PTPRD: variants seen among roughly 807,000 people sequenced by gnomAD.
The protein encoded by PTPRD is receptor-type tyrosine-protein phosphatase delta.
PTPRD carries 34 observed loss-of-function variants against 214.5 expected under a neutral mutation model. That is an observed-to-expected ratio of 0.16 (90% CI 0.12 to 0.21). The LOEUF is 0.21. Ranked by LOEUF, PTPRD falls within the 10% of genes least tolerant of loss-of-function variation. The pLI is 1.00. For synonymous variants in PTPRD, 1,128 were observed against 845.7 expected (o/e 1.33, Z -5.79); for missense variants, 2,545 against 2,398.7 (o/e 1.06, Z -1.27).
chr9:9,166,043 T>A (rs2099903065), intron 10 of PTPRD, among the ~76,000 whole-genome samples: 1 of 152,074 alleles, frequency 6.6e-6, no homozygotes, highest in Admixed American at 6.5e-5. Flanking sequence ...TATGTAGGTA[T>A]TAAAAAAACC....
chr9:8,963,205 GA>G (rs1481594476), intron 11 of PTPRD: 4 of 152,068 alleles, frequency 2.6e-5, no homozygotes, highest in African/African-American at 7.2e-5. Context: ...TGTAATTTGG[GA>G]ATACTTGATG....
chr9:8,884,900 T>C (rs1443742417), intron 11 of PTPRD, among the ~76,000 whole-genome samples: 1 of 152,098 alleles, frequency 6.6e-6, no homozygotes, highest in Non-Finnish European at 1.5e-5. Context: ...TATAGAAATA[T>C]ATCAAGTCTC....
chr9:9,019,654 C>A (rs959888504), intron 10 of PTPRD, among the ~76,000 whole-genome samples: 16 of 152,122 alleles, frequency 1.1e-4, no homozygotes, highest in African/African-American at 3.6e-4. Context: ...TGCGGTGAGC[C>A]AAGGCTGTGC....
chr9:10,129,817 A>C (rs1483625249), intron 3 of PTPRD, among the ~76,000 whole-genome samples: 1 of 152,104 alleles, frequency 6.6e-6, no homozygotes, highest in African/African-American at 2.4e-5. Flanking sequence ...ATTGTTAATA[A>C]ATAATAATCA....
At chr9:9,389,435 G>T (rs7847361) in intron 9 of PTPRD, among the ~76,000 whole-genome samples, 41,488 of 151,920 alleles carry the variant, frequency 0.27, 5,805 homozygotes, top group Middle Eastern at 0.32. Flanking sequence ...GCTTGAACCC[G>T]GGAGGCAGAG....
chr9:9,866,126 CTAGTT>C (rs1416141571), intron 5 of PTPRD, among the ~76,000 whole-genome samples: 1 of 152,098 alleles, frequency 6.6e-6, no homozygotes, highest in Non-Finnish European at 1.5e-5. Context: ...CATTTAATAT[CTAGTT>C]AAGGTTATAT....
At chr9:8,526,505 GA>G (rs796991914) in intron 17 of PTPRD, 121 bp downstream of exon 17, 10,930 of 596,800 alleles carry the variant, frequency 0.018, 2 homozygotes, top group South Asian at 0.026. Flanking sequence ...ACAGTACAAA[GA>G]AAAAAAAAAA....
chr9:8,329,411 C>T (rs1168763130), intron 44 of PTPRD, among the ~76,000 whole-genome samples: 2 of 152,074 alleles, frequency 1.3e-5, no homozygotes, highest in African/African-American at 2.4e-5. Context: ...GAGCACCTGC[C>T]AGATGCCAGC....
intron 5 of PTPRD, among the ~76,000 whole-genome samples, chr9:9,816,574 T>C (rs969577137): frequency 1.3e-5 from 2 of 152,098 alleles, no homozygotes; most frequent in Non-Finnish European, 2.9e-5. Context: ...AACAATATAA[T>C]ACTTTCCTGT....
At chr9:8,615,728 G>C (rs561331820) in intron 14 of PTPRD, among the ~76,000 whole-genome samples, 1 of 151,726 alleles carries the variant, frequency 6.6e-6, no homozygotes, top group Non-Finnish European at 1.5e-5. Flanking sequence ...GAAAAAAATT[G>C]ATTTGACATT....
intron 8 of PTPRD, among the ~76,000 whole-genome samples, chr9:9,437,084 A>G (rs1055344678): frequency 3.3e-5 from 5 of 152,136 alleles, no homozygotes; most frequent in African/African-American, 1.2e-4. Context: ...ATAAACTCTA[A>G]TATTTTTGGG....
intron 10 of PTPRD, among the ~76,000 whole-genome samples, chr9:9,034,684 C>T (rs1001382496): frequency 2.0e-5 from 3 of 151,978 alleles, no homozygotes; most frequent in African/African-American, 4.8e-5. Context: ...CACCCGTGTT[C>T]ACATCACAGC....
At chr9:10,229,105 T>C (rs1195800662) in intron 3 of PTPRD, among the ~76,000 whole-genome samples, 2 of 152,002 alleles carry the variant, frequency 1.3e-5, no homozygotes, top group African/African-American at 4.8e-5. Flanking sequence ...GACAAAATGC[T>C]CATCATCACT....
At chr9:9,539,355 A>C (rs901016611) in intron 8 of PTPRD, among the ~76,000 whole-genome samples, 7 of 151,830 alleles carry the variant, frequency 4.6e-5, no homozygotes, top group African/African-American at 1.7e-4. Flanking sequence ...AGTTGAAAAA[A>C]GGAAAGACAT....
intron 3 of PTPRD, among the ~76,000 whole-genome samples, chr9:10,266,950 G>T (rs560266022): frequency 6.6e-6 from 1 of 152,132 alleles, no homozygotes; most frequent in African/African-American, 2.4e-5. Flanking sequence ...CAGCACTTTG[G>T]GAGGCCGAGG....
intron 7 of PTPRD, among the ~76,000 whole-genome samples, chr9:9,710,632 A>C (rs764719386): frequency 6.6e-5 from 10 of 152,046 alleles, no homozygotes; most frequent in Non-Finnish European, 1.5e-4. Context: ...GAGATTCATA[A>C]GATAATTAGA....
intron 2 of PTPRD, among the ~76,000 whole-genome samples, chr9:10,588,946 C>A (rs1007650365): frequency 6.6e-6 from 1 of 151,966 alleles, no homozygotes; most frequent in Non-Finnish European, 1.5e-5. Flanking sequence ...AGAATCTAAG[C>A]CTCATCTGGG....
chr9:10,060,904 C>CTT (rs749832715), intron 3 of PTPRD, among the ~76,000 whole-genome samples: 2 of 68,164 alleles, frequency 2.9e-5, no homozygotes, highest in Non-Finnish European at 5.0e-5. Context: ...TTCCTTCTTT[C>CTT]TTTCTTTCTT....
intron 3 of PTPRD, among the ~76,000 whole-genome samples, chr9:10,300,953 C>T (rs1366088145): frequency 6.6e-6 from 1 of 152,110 alleles, no homozygotes; most frequent in African/African-American, 2.4e-5. Flanking sequence ...ATCATTGACC[C>T]CCATGTATCC....
Sources: gnomAD v4.1 joint callset for allele counts (sites outside exome capture counted in the v4.1 genomes callset) on GRCh38, gnomAD v4.1.1 for gene constraint, MANE v1.5 for transcripts, NCBI Gene and HGNC (gene_info 2026-07-23, HGNC 2026-07-21) for gene names.